The following MTF2 variants were observed in gnomAD, a reference collection of about 807,000 sequenced individuals.
MTF2 encodes the protein metal response element binding transcription factor 2, also known as metal-response element-binding transcription factor 2.
MTF2 carries 11 observed loss-of-function variants against 79.5 expected under a neutral mutation model. That is an observed-to-expected ratio of 0.14 (90% CI 0.09 to 0.23). The LOEUF is 0.23. MTF2 is among the 10% of genes least tolerant of loss of function. MTF2 has a pLI of 1.00. For missense variants in MTF2, 486 were observed against 711.2 expected, an observed-to-expected ratio of 0.68 and a Z score of 3.60; for synonymous variants, 208 against 232.8, an observed-to-expected ratio of 0.89 and a Z score of 0.97.
chr1:93,086,516 AGAT>A (rs1654845636), intron 1 of MTF2, among the ~76,000 whole-genome samples: 1 of 150,240 alleles, frequency 6.7e-6, no homozygotes, highest in East Asian at 1.9e-4. Context: ...AAAAAAAAAA[AGAT>A]GAGGAAGAAG....
chr1:93,098,429 T>C (rs1345036816), intron 1 of MTF2, among the ~76,000 whole-genome samples: 1 of 152,244 alleles, frequency 6.6e-6, no homozygotes, highest in East Asian at 1.9e-4. Context: ...ATGTACTGTA[T>C]CTTTCCACAT....
In MTF2 at chr1:93,114,004, AT is replaced by A. The variant is rs531874560; in HGVS notation, c.287-672del. On this transcript the variant is annotated intron_variant, in intron 3 of 14. Transcript: ENST00000370298. Reference sequence around the variant, plus strand: ...TAAATTGTATTAGAAATTTTGTGTGATTTTTTTTTTTTGAGAATAAAAATGT... The same window carrying A: ...TAAATTGTATTAGAAATTTTGTGTGATTTTTTTTTTTGAGAATAAAAATGT... 9.6e-4 allele frequency among the ~76,000 whole-genome samples: 121 copies of A among 125,750 alleles called. 1 individual carries two copies. Among genetic ancestry groups the A allele is most frequent in the African/African-American group, 1.5e-3 (31 of 20,766 alleles). The allele number at this position is 125,750 out of a possible 152,430, so 82.5% of individuals were successfully genotyped here.
chr1:93,104,751 C>G (rs1655692649), intron 1 of MTF2, among the ~76,000 whole-genome samples: 2 of 150,902 alleles, frequency 1.3e-5, no homozygotes, highest in Non-Finnish European at 3.0e-5. Flanking sequence ...AAAAAATTAA[C>G]TCCTTAAATA....
intron 11 of MTF2, 73 bp from the exon 12 acceptor site, chr1:93,133,630 A>T: frequency 1.2e-6 from 1 of 862,742 alleles, no homozygotes. Flanking sequence ...ATATGTGTCT[A>T]GTTACATACA....
chr1:93,136,869 G>A lies in MTF2; in HGVS notation c.1624G>A (p.Glu542Lys), dbSNP rs1395908728. ...TEILNNLADQ[E>K]LQLNHLKNSI... is the part of the protein sequence containing the mutation. ...GATTCTGAATAACTTAGCAGATCAG[G>A]AGTTACAACTCAATCATCTAAAGAA... Residue 542 changes from glutamate to lysine, a missense_variant, in exon 15 of 15, where the codon GAG (glutamate) becomes AAG (lysine). Physicochemically the swap from Glu to Lys is moderately conservative, Grantham distance 56 (BLOSUM62 1). This residue lies in a region of MTF2 where 209 missense variants were observed against 206.5 expected (regional missense o/e 1.01). Transcript: ENST00000370298. 4 of 1,614,152 alleles carry A rather than the reference G, an allele frequency of 2.5e-6. No homozygotes were observed. The South Asian group carries it at 3.3e-5, about 13-fold the overall frequency.
intron 1 of MTF2, among the ~76,000 whole-genome samples, chr1:93,093,025 A>G (rs1339887292): frequency 6.6e-6 from 1 of 152,080 alleles, no homozygotes; most frequent in African/African-American, 2.4e-5. Context: ...TACTAAAAAT[A>G]CAAAAAATTA....
intron 12 of MTF2, 46 bp from the exon 13 acceptor site, chr1:93,133,882 A>C (rs181106066): frequency 1.3e-6 from 2 of 1,530,544 alleles, no homozygotes; most frequent in Non-Finnish European, 1.8e-6. Flanking sequence ...TATTTTTTTC[A>C]GCTTACTTTA....
intron 11 of MTF2, among the ~76,000 whole-genome samples, chr1:93,133,227 T>G (rs989730652): frequency 1.3e-5 from 2 of 152,120 alleles, no homozygotes; most frequent in Non-Finnish European, 2.9e-5. Flanking sequence ...AAGGCAGCCT[T>G]TATGACTACT....
At chr1:93,101,426 C>T (rs1655527042) in intron 1 of MTF2, among the ~76,000 whole-genome samples, 1 of 135,456 alleles carries the variant, frequency 7.4e-6, no homozygotes, top group South Asian at 2.4e-4. Context: ...GTTTCCCAGG[C>T]TGGAGTGCAG....
rs867646618 is a variant in MTF2 at position 93,131,955 on chromosome 1, C to T, written c.1161-1748C>T. On this transcript the variant is annotated intron_variant, in intron 11 of 14. Transcript: ENST00000370298. Reference sequence around the variant, plus strand: ...TCTTGCCTGGTAGCCTCCATTTTCTCGATGAAATATAAGGTAAAGATAGCT... The same window carrying T: ...TCTTGCCTGGTAGCCTCCATTTTCTTGATGAAATATAAGGTAAAGATAGCT... 1.1e-4 allele frequency among the ~76,000 whole-genome samples: 16 copies of T among 151,932 alleles called. No individual in the cohort carries two copies. In the South Asian group the frequency reaches 2.5e-3, roughly 24 times the overall value.
chr1:93,137,094 G>C lies in MTF2; in HGVS notation c.*67G>C, dbSNP rs1647433878. The C allele has an allele frequency of 2.2e-6, 3 of 1,341,826 alleles. No individual in the cohort carries two copies. The African/African-American group carries it at 4.4e-5, about 20-fold the overall frequency. The allele number at this position is 1,341,826 out of a possible 1,614,324, so 83.1% of individuals were successfully genotyped here. ...GTAGGTACAGTTCAAAGCCCTAAAGGAGTCTGGCTTTTACTATCTTTCTTA... is the reference window on the plus strand; with the variant it reads ...GTAGGTACAGTTCAAAGCCCTAAAGCAGTCTGGCTTTTACTATCTTTCTTA... On this transcript the variant is annotated 3_prime_UTR_variant, in exon 15 of 15. Coordinates refer to ENST00000370298, the MANE Select transcript of MTF2 (RefSeq NM_007358.4).
chr1:93,092,047 T>C (rs997729856), intron 1 of MTF2, among the ~76,000 whole-genome samples: 7 of 152,234 alleles, frequency 4.6e-5, no homozygotes, highest in Non-Finnish European at 8.8e-5. Flanking sequence ...TTTCATGTGC[T>C]GGATGTCTTA....
chr1:93,094,523 CT>C (rs1655203281), intron 1 of MTF2, among the ~76,000 whole-genome samples: 1 of 152,032 alleles, frequency 6.6e-6, no homozygotes, highest in Non-Finnish European at 1.5e-5. Flanking sequence ...GATCTTGCCT[CT>C]TTTTTTCTGT....
At chr1:93,088,291 G>C (rs1654931040) in intron 1 of MTF2, among the ~76,000 whole-genome samples, 1 of 152,088 alleles carries the variant, frequency 6.6e-6, no homozygotes. Context: ...ACATTTATCT[G>C]TGGTTTTAAT....
rs773903469 is a variant in MTF2, at chr1:93,133,745, T to G, written c.1203T>G (p.Ser401=). The part of the protein sequence containing the change: ...NGIEKKGKKK[S]VGRPPGPYTR... ...TAGAAAAAAAAGGAAAGAAAAAATC[T>G]GTAGGTCGTCCACCTGGCCCATATA... Residue 401 remains serine, a synonymous_variant, in exon 12 of 15, where the codon TCT becomes TCG. Coordinates refer to ENST00000370298, the MANE Select transcript of MTF2 (RefSeq NM_007358.4). 3.3e-5 allele frequency: 54 copies of G among 1,612,252 alleles called. No homozygotes were observed. The highest frequency in any genetic ancestry group is 4.5e-5 in the Non-Finnish European group (53 of 1,179,468).
chr1:93,088,459 A>G (rs1654937118), intron 1 of MTF2, among the ~76,000 whole-genome samples: 1 of 152,150 alleles, frequency 6.6e-6, no homozygotes, highest in African/African-American at 2.4e-5. Context: ...ACCAGTTGTC[A>G]TATTGGCTTT....
rs535735172 is a variant in MTF2 at position 93,087,363 on chromosome 1, G to A, written c.5+7832G>A. Among the ~76,000 whole-genome samples the A allele has an allele frequency of 2.6e-5, 4 of 152,238 alleles. No individual in the cohort carries two copies. The South Asian group carries it at 6.2e-4, about 24-fold the overall frequency. On this transcript the variant is annotated intron_variant, in intron 1 of 14. Coordinates refer to ENST00000370298, the MANE Select transcript of MTF2 (RefSeq NM_007358.4). ...GAGGTGGGTGGATCACCTGAGGTCG[G>A]GAGTTCAAAACCAGCGTGACCAACA...
intron 1 of MTF2, among the ~76,000 whole-genome samples, chr1:93,103,867 T>C (rs1341046555): frequency 6.6e-6 from 1 of 152,224 alleles, no homozygotes; most frequent in Non-Finnish European, 1.5e-5. Flanking sequence ...GGTAATTTAC[T>C]CTTTTCTTGC....
At chr1:93,099,194 A>G (rs77139357) in intron 1 of MTF2, among the ~76,000 whole-genome samples, 1,821 of 152,302 alleles carry the variant, frequency 0.012, 43 homozygotes, top group African/African-American at 0.041. Context: ...ATCCTGCATC[A>G]TGTGTGAAGA....
Sources: gnomAD v4.1 joint callset for allele counts (sites outside exome capture counted in the v4.1 genomes callset) on GRCh38, gnomAD v4.1.1 for gene constraint, gnomAD v4.1.1 regional missense constraint, MANE v1.5 for transcripts, NCBI Gene and HGNC (gene_info 2026-07-23, HGNC 2026-07-21) for gene names.